ADAM23: variants seen among roughly 807,000 people sequenced by gnomAD.
The protein encoded by ADAM23 is disintegrin and metalloproteinase domain-containing protein 23.
A neutral mutation model predicts 120.1 loss-of-function variants in ADAM23; 33 were observed. That is an observed-to-expected ratio of 0.27 (90% confidence interval 0.21 to 0.37). ADAM23 has a LOEUF of 0.37. ADAM23 is among the 10% of genes least tolerant of loss of function. The pLI is 1.00. For synonymous variants in ADAM23, 367 were observed against 375.2 expected (o/e 0.98, Z 0.25); for missense variants, 862 against 1,058.2 (o/e 0.81, Z 2.57).
intron 3 of ADAM23, among the ~76,000 whole-genome samples, chr2:206,514,807 A>G (rs754891496): frequency 4.6e-5 from 7 of 152,232 alleles, no homozygotes; most frequent in Non-Finnish European, 8.8e-5. Flanking sequence ...TTCAGCAGCC[A>G]TCAACATCAA....
chr2:206,498,735 T>G (rs1429000902), intron 3 of ADAM23, among the ~76,000 whole-genome samples: 1 of 151,610 alleles, frequency 6.6e-6, no homozygotes, highest in Non-Finnish European at 1.5e-5. Flanking sequence ...TGGGAGAAAA[T>G]TTTTGCAACC....
intron 3 of ADAM23, among the ~76,000 whole-genome samples, chr2:206,513,978 C>T (rs1460895325): frequency 3.3e-5 from 5 of 152,062 alleles, no homozygotes; most frequent in African/African-American, 1.2e-4. Flanking sequence ...ACCTATGGCA[C>T]AGGACAAAAA....
At position 206,470,110 on chromosome 2, in the gene ADAM23, G is replaced by T. The variant is rs560810414; in HGVS notation, c.433-11122G>T. Among the ~76,000 whole-genome samples, 172 of 152,068 alleles carry T rather than the reference G, an allele frequency of 1.1e-3. 2 individuals are homozygous for T. The highest frequency in any genetic ancestry group is 4.1e-3 in the African/African-American group (168 of 41,480). On this transcript the variant is annotated intron_variant, in intron 2 of 25. Transcript: ENST00000264377. ...CACCCTAAAATGTAAACCCTGGAAG[G>T]CCAGGGCTTCTGCTTGAAATGTGGT...
chr2:206,513,043 A>G (rs531520916), intron 3 of ADAM23, among the ~76,000 whole-genome samples: 1 of 152,200 alleles, frequency 6.6e-6, no homozygotes, highest in East Asian at 1.9e-4. Context: ...CTGACTGGCC[A>G]TTCCCCTTCT....
intron 3 of ADAM23, among the ~76,000 whole-genome samples, chr2:206,492,380 A>G (rs988967845): frequency 2.0e-5 from 3 of 152,202 alleles, no homozygotes; most frequent in Non-Finnish European, 1.5e-5. Flanking sequence ...GAACAGAACC[A>G]CACAGCTAGT....
intron 3 of ADAM23, among the ~76,000 whole-genome samples, chr2:206,507,393 A>G (rs1696516972): frequency 6.6e-6 from 1 of 152,038 alleles, no homozygotes; most frequent in Non-Finnish European, 1.5e-5. Flanking sequence ...CTGGTTGTTT[A>G]TAAGTATGCA....
At chr2:206,507,569 C>A (rs1054730230) in intron 3 of ADAM23, among the ~76,000 whole-genome samples, 1 of 152,140 alleles carries the variant, frequency 6.6e-6, no homozygotes, top group African/African-American at 2.4e-5. Context: ...CCAATTAAAC[C>A]ACTTTTCTTT....
chr2:206,609,769 C>G (rs1698794124), intron 24 of ADAM23, 141 bp from the exon 25 acceptor site: 1 of 651,682 alleles, frequency 1.5e-6, no homozygotes, highest in African/African-American at 2.0e-5. Context: ...TGCAATTAAG[C>G]TAAGTAAATA....
chr2:206,588,591 C>A (rs1415698003), intron 20 of ADAM23, among the ~76,000 whole-genome samples: 1 of 152,174 alleles, frequency 6.6e-6, no homozygotes, highest in Non-Finnish European at 1.5e-5. Context: ...TGTCTCACTT[C>A]AAAGTGAAGA....
chr2:206,615,811 C>T (rs1443056908), intron 25 of ADAM23, among the ~76,000 whole-genome samples: 3 of 152,190 alleles, frequency 2.0e-5, no homozygotes, highest in Non-Finnish European at 4.4e-5. Context: ...CTTTTGGACA[C>T]CAGCGGTTGT....
Position 206,547,574 on chromosome 2 carries a change from T to A in ADAM23, c.793+73T>A, listed in dbSNP as rs1412092546. The stretch of plus-strand genomic sequence containing the variant: ...TTTATCTGGTGGAGCTCAGTAGATA[T>A]GCAGGCTTGTTGGAAGTGGAATTGG... On this transcript the variant is annotated intron_variant, in intron 7 of 25. Coordinates refer to ENST00000264377, the MANE Select transcript of ADAM23 (RefSeq NM_003812.4). The A allele has an allele frequency of 3.1e-6, 4 of 1,304,334 alleles. No homozygotes were observed. The Admixed American group carries it at 7.7e-5, about 25-fold the overall frequency. The allele number at this position is 1,304,334 out of a possible 1,614,324, so 80.8% of individuals were successfully genotyped here.
chr2:206,607,280 C>CA (rs1415873913), intron 24 of ADAM23: 1 of 152,284 alleles, frequency 6.6e-6, no homozygotes, highest in East Asian at 1.9e-4. Context: ...TATTTAGAGA[C>CA]AAAAACTTTG....
At chr2:206,593,712 G>A (rs183793594) in intron 22 of ADAM23, among the ~76,000 whole-genome samples, 19 of 152,016 alleles carry the variant, frequency 1.2e-4, no homozygotes, top group Admixed American at 5.9e-4. Flanking sequence ...AGATAAAATA[G>A]CCTTGTTAAA....
chr2:206,527,529 C>A (rs1039630081), intron 3 of ADAM23, among the ~76,000 whole-genome samples: 4 of 152,206 alleles, frequency 2.6e-5, no homozygotes, highest in African/African-American at 9.6e-5. Context: ...AATTCACTCT[C>A]AAGGAGATTA....
chr2:206,564,936 T>C (rs1233022460), intron 13 of ADAM23, 84 bp from the exon 14 acceptor site: 3 of 1,383,872 alleles, frequency 2.2e-6, no homozygotes, highest in Non-Finnish European at 3.1e-6. Context: ...TAAAGAATTA[T>C]TGTAGGAGTT....
intron 5 of ADAM23, 107 bp from the exon 6 acceptor site, chr2:206,543,146 C>A: frequency 1.1e-6 from 1 of 944,816 alleles, no homozygotes; most frequent in Non-Finnish European, 1.7e-6. Context: ...GGGATTTGTT[C>A]AGTTATACTC....
chr2:206,460,010 T>G (rs1695382242), intron 2 of ADAM23, among the ~76,000 whole-genome samples: 1 of 152,206 alleles, frequency 6.6e-6, no homozygotes, highest in African/African-American at 2.4e-5. Context: ...CTCCTCTGTT[T>G]CACACATATC....
chr2:206,526,175 C>CAG (rs1441994581), intron 3 of ADAM23, among the ~76,000 whole-genome samples: 1 of 143,438 alleles, frequency 7.0e-6, no homozygotes, highest in Non-Finnish European at 1.5e-5. Context: ...CACACACACA[C>CAG]ACACAGACAC....
Position 206,445,444 on chromosome 2 carries a change from A to T in ADAM23, c.352A>T (p.Ile118Leu). Residue 118 changes from isoleucine to leucine, a missense_variant, in exon 2 of 26, where the codon ATA becomes TTA. By Grantham distance (5) the Ile-to-Leu change is conservative. Transcript: ENST00000264377. Reference protein sequence around the residue: ...QKEITLPSRLIYYINQDSESP... With the variant: ...QKEITLPSRLLYYINQDSESP... ...AGAAATCACACTGCCTTCAAGACTC[A>T]TATATTACATCAACCAAGACTCGGA... 6.2e-7 allele frequency: 1 copy of T among 1,614,170 alleles called. No homozygotes were observed. The highest frequency in any genetic ancestry group is 8.5e-7 in the Non-Finnish European group (1 of 1,180,020).
Sources: gnomAD v4.1 joint callset for allele counts (sites outside exome capture counted in the v4.1 genomes callset) on GRCh38, gnomAD v4.1.1 for gene constraint, MANE v1.5 for transcripts, NCBI Gene and HGNC (gene_info 2026-07-23, HGNC 2026-07-21) for gene names.